PAPSS1: variants seen among roughly 807,000 people sequenced by gnomAD.
PAPSS1 encodes the protein bifunctional 3'-phosphoadenosine 5'-phosphosulfate synthase 1.
A neutral mutation model predicts 72.0 loss-of-function variants in PAPSS1; 50 were observed. The observed-to-expected ratio is 0.69, with a 90% CI of 0.55 to 0.88. The LOEUF is 0.88. Among genes scored for constraint, PAPSS1 ranks in the 40% least tolerant of loss-of-function variants. The probability of loss-of-function intolerance (pLI) is 0.00; values close to 1 mark genes in which losing one functional copy is unlikely to be tolerated. For missense variants in PAPSS1, 657 were observed against 782.2 expected (o/e 0.84, Z 1.91); for synonymous variants, 261 against 263.6 (o/e 0.99, Z 0.09).
chr4:107,718,165 G>A (rs1416889288), intron 1 of PAPSS1, among the ~76,000 whole-genome samples: 1 of 152,170 alleles, frequency 6.6e-6, no homozygotes, highest in Admixed American at 6.5e-5. Context: ...TGCCTATTAA[G>A]ATGATTTAAA....
At chr4:107,634,999 C>T (rs1224544123) in intron 10 of PAPSS1, among the ~76,000 whole-genome samples, 7 of 151,864 alleles carry the variant, frequency 4.6e-5, no homozygotes, top group South Asian at 2.1e-4. Flanking sequence ...GGGGTTTTAC[C>T]GTGTTAGCCA....
intron 11 of PAPSS1, among the ~76,000 whole-genome samples, chr4:107,617,363 CT>C (rs1725851945): frequency 6.6e-6 from 1 of 152,056 alleles, no homozygotes; most frequent in African/African-American, 2.4e-5. Flanking sequence ...CAATTCTGGC[CT>C]TTCCAACTTC....
intron 9 of PAPSS1, among the ~76,000 whole-genome samples, chr4:107,646,427 C>A (rs554218096): frequency 5.3e-5 from 8 of 151,502 alleles, no homozygotes; most frequent in African/African-American, 1.7e-4. Flanking sequence ...CAATGACTAC[C>A]CAGTGGCAAG....
At chr4:107,682,217 G>C in intron 4 of PAPSS1, 84 bp from the exon 5 acceptor site, 1 of 679,806 alleles carries the variant, frequency 1.5e-6, no homozygotes, top group South Asian at 2.0e-5. Flanking sequence ...CTGCTACATT[G>C]AAGTTAGTAT....
At chr4:107,641,146 T>G (rs891641997) in intron 10 of PAPSS1, among the ~76,000 whole-genome samples, 1 of 152,212 alleles carries the variant, frequency 6.6e-6, no homozygotes, top group African/African-American at 2.4e-5. Flanking sequence ...CAGGCCTGCA[T>G]TGCCCAACTG....
At chr4:107,630,485 G>A (rs1305196633) in intron 11 of PAPSS1, among the ~76,000 whole-genome samples, 3 of 152,104 alleles carry the variant, frequency 2.0e-5, no homozygotes, top group Non-Finnish European at 4.4e-5. Flanking sequence ...TCTTTCCTGT[G>A]GCCATGTAAA....
In PAPSS1 at chr4:107,649,632, T is replaced by G. The variant is rs10516544; in HGVS notation, c.1237+3859A>C. 2.0e-5 allele frequency among the ~76,000 whole-genome samples: 3 copies of G among 152,300 alleles called. No individual in the cohort carries two copies. In the South Asian group the frequency reaches 6.2e-4, roughly 32 times the overall value. ...CCACTATCCACTTCAGAGCCAAACA[T>G]AGATCTGCTTCTGCCTCAGCTTTCT... is the stretch of plus-strand genomic sequence containing the variant. On this transcript the variant is annotated intron_variant, in intron 9 of 11. Transcript: ENST00000265174.
At chr4:107,616,619 T>C (rs1185963144) in intron 11 of PAPSS1, among the ~76,000 whole-genome samples, 1 of 152,208 alleles carries the variant, frequency 6.6e-6, no homozygotes, top group Admixed American at 6.5e-5. Context: ...TAAGTGACTT[T>C]ATACTGTGGC....
chr4:107,694,070 CT>C (rs57931480), intron 2 of PAPSS1, 64 bp from the exon 3 acceptor site: 950,878 of 1,052,288 alleles, frequency 0.9, 434,973 homozygotes, highest in South Asian at 0.94. Context: ...TGTAGTAATA[CT>C]TTTTTTTTCC....
At position 107,644,951 on chromosome 4, in the gene PAPSS1, G is replaced by C; in HGVS notation, c.1357C>G (p.Pro453Ala). 1 of 1,613,998 alleles carries C rather than the reference G, an allele frequency of 6.2e-7. No homozygotes were observed. The highest frequency in any genetic ancestry group is 8.5e-7 in the Non-Finnish European group (1 of 1,179,918). Reference sequence around the variant, plus strand: ...TCATCCTTTGTCCAGCCACCCAGAGGGTGGAGGAGGAGGACAGGGCGCCGG... The same window carrying C: ...TCATCCTTTGTCCAGCCACCCAGAGCGTGGAGGAGGAGGACAGGGCGCCGG... ...GYRRPVLLLHPLGGWTKDDDV... is the reference protein window; with the variant it reads ...GYRRPVLLLHALGGWTKDDDV... Residue 453 changes from proline (P) to alanine (A), a missense_variant, in exon 10 of 12, where the codon CCT becomes GCT. Physicochemically the swap from Pro to Ala is conservative, Grantham distance 27. Transcript: ENST00000265174.
At position 107,621,611 on chromosome 4, in the gene PAPSS1, T is replaced by TC. The variant is rs1367576052; in HGVS notation, c.1737-7225_1737-7224insG. 2.4e-4 allele frequency among the ~76,000 whole-genome samples: 21 copies of TC among 87,734 alleles called. 1 individual carries two copies. Among genetic ancestry groups the TC allele is most frequent in the Non-Finnish European group, 4.1e-4 (20 of 48,666 alleles). 57.6% of individuals were successfully genotyped at this position (87,734 alleles called of 152,430 possible). On this transcript the variant is annotated intron_variant, in intron 11 of 11. Coordinates refer to ENST00000265174, the MANE Select transcript of PAPSS1 (RefSeq NM_005443.5). ...TCTAGGAAGACAGGTTTTTTATCTT[T>TC]TTTTTTTTTTTTTTTTTTTTTTTTT...
intron 10 of PAPSS1, among the ~76,000 whole-genome samples, chr4:107,634,484 C>A (rs911298112): frequency 6.6e-6 from 1 of 152,096 alleles, no homozygotes; most frequent in Admixed American, 6.5e-5. Context: ...AATTTACATT[C>A]CCACCATGTT....
At chr4:107,657,167 A>C (rs1050904742) in intron 6 of PAPSS1, among the ~76,000 whole-genome samples, 160 bp from the exon 7 acceptor site, 1 of 152,234 alleles carries the variant, frequency 6.6e-6, no homozygotes, top group African/African-American at 2.4e-5. Flanking sequence ...GCACTAGGAA[A>C]ATATTTCCTT....
chr4:107,678,130 T>C (rs1334762424), intron 5 of PAPSS1, among the ~76,000 whole-genome samples: 2 of 151,862 alleles, frequency 1.3e-5, no homozygotes, highest in African/African-American at 2.4e-5. Context: ...GGCACATGTA[T>C]ACATATGTAA....
At chr4:107,644,287 T>A (rs1164818719) in intron 10 of PAPSS1, among the ~76,000 whole-genome samples, 1 of 152,136 alleles carries the variant, frequency 6.6e-6, no homozygotes, top group Non-Finnish European at 1.5e-5. Flanking sequence ...ACCTAGCAGA[T>A]CTTCCCCTGA....
At chr4:107,618,613 A>G (rs1042392470) in intron 11 of PAPSS1, among the ~76,000 whole-genome samples, 13 of 152,004 alleles carry the variant, frequency 8.6e-5, no homozygotes, top group African/African-American at 3.1e-4. Context: ...AGAGACAGAA[A>G]TGATTTGGTG....
intron 2 of PAPSS1, among the ~76,000 whole-genome samples, chr4:107,700,448 G>A (rs917677793): frequency 2.0e-5 from 3 of 152,182 alleles, no homozygotes; most frequent in African/African-American, 7.2e-5. Context: ...AAAGGCCATA[G>A]CAAAAGCTGA....
chr4:107,638,666 T>C (rs897507533), intron 10 of PAPSS1, among the ~76,000 whole-genome samples: 1 of 151,232 alleles, frequency 6.6e-6, no homozygotes, highest in Non-Finnish European at 1.5e-5. Context: ...CCACTGATTA[T>C]TATTCTAAGA....
At chr4:107,683,101 G>A (rs990126519) in intron 4 of PAPSS1, among the ~76,000 whole-genome samples, 11 of 152,134 alleles carry the variant, frequency 7.2e-5, no homozygotes, top group African/African-American at 2.7e-4. Flanking sequence ...CCACACGTAA[G>A]TCATTCAAGG....
Sources: gnomAD v4.1 joint callset for allele counts (sites outside exome capture counted in the v4.1 genomes callset) on GRCh38, gnomAD v4.1.1 for gene constraint, MANE v1.5 for transcripts, NCBI Gene and HGNC (gene_info 2026-07-23, HGNC 2026-07-21) for gene names.